ZNF732: variants seen among roughly 807,000 people sequenced by gnomAD.
The protein encoded by ZNF732 is zinc finger protein 732.
ZNF732 carries 12 observed loss-of-function variants against 11.5 expected under a neutral mutation model. That is an observed-to-expected ratio of 1.05 (90% CI 0.67 to 1.70). The LOEUF is 1.70. ZNF732 is among the 40% of genes most tolerant of loss of function. The pLI is 0.00. For synonymous variants in ZNF732, 231 were observed against 236.5 expected (o/e 0.98, Z 0.21); for missense variants, 702 against 676.9 (o/e 1.04, Z -0.41).
chr4:271,325 A>G lies in ZNF732; in HGVS notation c.1532T>C (p.Phe511Ser). The G allele has an allele frequency of 1.2e-6, 2 of 1,602,058 alleles. No homozygotes were observed. Among genetic ancestry groups the G allele is most frequent in the Non-Finnish European group, 1.7e-6 (2 of 1,173,728 alleles). Residue 511 changes from phenylalanine (F) to serine (S), a missense_variant, in exon 4 of 4, where the codon TTT becomes TCT. This residue lies in a region of ZNF732 where 94 missense variants were observed against 87.5 expected (regional missense o/e 1.07). Transcript: ENST00000419098. ...TTTACTCAGGTATGTGGACCATCCA[A>G]AGGCTTTGCCACACTCTTCACATTC... ...PYECEECGKA[F>S]GWSTYLSKHK...
chr4:299,432 T>C lies in ZNF732; in HGVS notation c.4-3277A>G, dbSNP rs531536335. Among the ~76,000 whole-genome samples the C allele has an allele frequency of 1.1e-3, 66 of 61,278 alleles. 3 individuals carry two copies. The highest frequency in any genetic ancestry group is 2.3e-3 in the Admixed American group (11 of 4,690). 40.2% of individuals were successfully genotyped at this position (61,278 alleles called of 152,430 possible). ...ATATATATACACATATATACACATATGTGTATATATATATATATACACATA... is the reference window on the plus strand; with the variant it reads ...ATATATATACACATATATACACATACGTGTATATATATATATATACACATA... On this transcript the variant is annotated intron_variant, in intron 1 of 3. Coordinates refer to ENST00000419098, the MANE Select transcript of ZNF732 (RefSeq NM_001137608.3).
At chr4:287,535 CTT>C (rs1475359697) in intron 3 of ZNF732, among the ~76,000 whole-genome samples, 4 of 152,070 alleles carry the variant, frequency 2.6e-5, no homozygotes, top group Non-Finnish European at 5.9e-5. Flanking sequence ...TGAACATACT[CTT>C]CTTTATGTCA....
At chr4:282,738 C>T (rs904472443) in intron 3 of ZNF732, among the ~76,000 whole-genome samples, 2 of 151,332 alleles carry the variant, frequency 1.3e-5, no homozygotes, top group Non-Finnish European at 2.9e-5. Context: ...TTAAGCTAGA[C>T]TTTTTAAACT....
intron 3 of ZNF732, among the ~76,000 whole-genome samples, chr4:278,045 AAG>A (rs1289376818): frequency 6.6e-6 from 1 of 152,200 alleles, no homozygotes; most frequent in Non-Finnish European, 1.5e-5. Flanking sequence ...TCAGCTACAA[AAG>A]AGAATATAAT....
chr4:297,934 C>A (rs1164978651), intron 1 of ZNF732, among the ~76,000 whole-genome samples: 4 of 152,094 alleles, frequency 2.6e-5, no homozygotes, highest in Non-Finnish European at 5.9e-5. Flanking sequence ...GTTCTCTATG[C>A]CGCTAAGTTT....
chr4:294,137 A>G (rs2108658921), intron 3 of ZNF732, among the ~76,000 whole-genome samples: 1 of 152,170 alleles, frequency 6.6e-6, no homozygotes, highest in Non-Finnish European at 1.5e-5. Flanking sequence ...AAGTAGCTGG[A>G]TTACAGGCGC....
chr4:291,760 G>GT (rs1360693288), intron 3 of ZNF732, among the ~76,000 whole-genome samples: 1 of 152,050 alleles, frequency 6.6e-6, no homozygotes, highest in African/African-American at 2.4e-5. Context: ...TTTAAATAAC[G>GT]TAAGCCATCT....
At chr4:288,710 A>G (rs11723261) in intron 3 of ZNF732, among the ~76,000 whole-genome samples, 21,513 of 152,202 alleles carry the variant, frequency 0.14, 1,906 homozygotes, top group Admixed American at 0.25. Context: ...AGATTGGGCC[A>G]TGATGGTCCT....
At chr4:298,092 T>C (rs1241532736) in intron 1 of ZNF732, among the ~76,000 whole-genome samples, 1 of 152,224 alleles carries the variant, frequency 6.6e-6, no homozygotes, top group Admixed American at 6.5e-5. Flanking sequence ...CTAGCACAAT[T>C]ATATTAGAAG....
intron 3 of ZNF732, among the ~76,000 whole-genome samples, chr4:275,688 T>A (rs75591813): frequency 0.021 from 3,184 of 151,434 alleles, 76 homozygotes; most frequent in South Asian, 0.12. Flanking sequence ...TCTCACTAAA[T>A]AAATTGAGAA....
chr4:289,674 T>C (rs572401843), intron 3 of ZNF732, among the ~76,000 whole-genome samples: 2 of 152,302 alleles, frequency 1.3e-5, no homozygotes, highest in African/African-American at 4.8e-5. Context: ...ATAGTTCGTG[T>C]TTCTGTAGAA....
Position 299,412 on chromosome 4 carries a change from TATAC to T in ZNF732, c.4-3261_4-3258del, listed in dbSNP as rs1212043097. ...ATATGTACACATATGTGTATATATATATACACATATATACACATATGTGTATATA... is the reference window on the plus strand; with the variant it reads ...ATATGTACACATATGTGTATATATATACATATATACACATATGTGTATATA... On this transcript the variant is annotated intron_variant, in intron 1 of 3. Coordinates refer to ENST00000419098, the MANE Select transcript of ZNF732 (RefSeq NM_001137608.3). Among the ~76,000 whole-genome samples the T allele has an allele frequency of 5.3e-5, 5 of 94,826 alleles. 1 individual carries two copies. The highest frequency in any genetic ancestry group is 3.8e-4 in the South Asian group (1 of 2,666). The allele number at this position is 94,826 out of a possible 152,430, so 62.2% of individuals were successfully genotyped here.
chr4:272,425 A>G lies in ZNF732; in HGVS notation c.432T>C (p.Asn144=), dbSNP rs1250892639. 2.5e-6 allele frequency: 4 copies of G among 1,597,464 alleles called. No homozygotes were observed. In the East Asian group the frequency reaches 6.8e-5, roughly 27 times the overall value. Residue 144 remains asparagine, a synonymous_variant, in exon 4 of 4, where the codon AAT becomes AAC. Coordinates refer to ENST00000419098, the MANE Select transcript of ZNF732 (RefSeq NM_001137608.3). ...STIQSKIFQC[N]VHVKVFSTFS... ...ATGTACTAAATACTTTGACATGTAC[A>G]TTACACTGAAATATTTTGCTCTGGA...
intron 3 of ZNF732, among the ~76,000 whole-genome samples, chr4:293,843 T>C (rs550861649): frequency 4.0e-5 from 6 of 148,760 alleles, no homozygotes; most frequent in Admixed American, 2.0e-4. Flanking sequence ...TATACTATTT[T>C]TATTTATCAG....
At chr4:297,626 A>AAG (rs1296554769) in intron 1 of ZNF732, among the ~76,000 whole-genome samples, 2 of 151,680 alleles carry the variant, frequency 1.3e-5, no homozygotes, top group African/African-American at 4.8e-5. Flanking sequence ...AAAAAAAAAA[A>AAG]AAAAAACTGC....
At chr4:295,595 T>C in intron 2 of ZNF732, 62 bp from the exon 3 acceptor site, 2 of 1,314,846 alleles carry the variant, frequency 1.5e-6, no homozygotes, top group South Asian at 1.4e-5. Context: ...TACCTAATAC[T>C]ATACTAAGTA....
In ZNF732 at chr4:271,539, G is replaced by T; in HGVS notation, c.1318C>A (p.His440Asn). Reference sequence around the variant, plus strand: ...CATTTGTAAGGTTTCTCTCCAGTATGAATTATCTTATGTTTATTCAGGTCT... The same window carrying T: ...CATTTGTAAGGTTTCTCTCCAGTATTAATTATCTTATGTTTATTCAGGTCT... ...STDLNKHKII[H>N]TGEKPYKCEE... Residue 440 changes from histidine (H) to asparagine (N), a missense_variant, in exon 4 of 4, where the codon CAT becomes AAT. By Grantham distance (68) the His-to-Asn change is moderately conservative (BLOSUM62 1). Around this residue, in one of 3 missense-constraint regions of ZNF732, gnomAD observed 596 missense variants for 557.9 expected, o/e 1.07. Coordinates refer to ENST00000419098, the MANE Select transcript of ZNF732 (RefSeq NM_001137608.3). The T allele has an allele frequency of 6.2e-7, 1 of 1,611,712 alleles. No homozygotes were observed. Among genetic ancestry groups the T allele is most frequent in the Non-Finnish European group, 8.5e-7 (1 of 1,178,848 alleles).
chr4:272,459 A>T lies in ZNF732; in HGVS notation c.398T>A (p.Leu133Ter). The T allele has an allele frequency of 6.2e-7, 1 of 1,601,292 alleles. No individual in the cohort carries two copies. Among genetic ancestry groups the T allele is most frequent in the Non-Finnish European group, 8.5e-7 (1 of 1,172,904 alleles). The change falls in exon 4 of 4, where the codon TTG (leucine) becomes TAG (stop). Residue 133 changes from leucine (L) to a stop codon, truncating the protein, a stop_gained. Transcript: ENST00000419098. LOFTEE classifies it low-confidence loss of function (END_TRUNC). ...KGGYNEFNQC[L>*]STIQSKIFQC... The stretch of plus-strand genomic sequence containing the variant: ...AAATATTTTGCTCTGGATAGTTGAC[A>T]AGCATTGATTAAATTCATTATAACC...
chr4:295,932 C>T, intron 2 of ZNF732, 97 bp downstream of exon 2: 1 of 1,423,272 alleles, frequency 7.0e-7, no homozygotes, highest in South Asian at 1.4e-5. Flanking sequence ...AACTGAAATT[C>T]ACACAAAGCA....
Sources: gnomAD v4.1 joint callset for allele counts (sites outside exome capture counted in the v4.1 genomes callset) on GRCh38, gnomAD v4.1.1 for gene constraint, gnomAD v4.1.1 regional missense constraint, MANE v1.5 for transcripts, NCBI Gene and HGNC (gene_info 2026-07-23, HGNC 2026-07-21) for gene names.